The following STOX2 variants were observed in gnomAD, a reference collection of about 807,000 sequenced individuals.
The protein encoded by STOX2 is storkhead-box protein 2.
STOX2 carries 28 observed loss-of-function variants against 60.9 expected under a neutral mutation model. The ratio of observed to expected loss-of-function variants is 0.46; its 90% CI spans 0.34 to 0.63. STOX2 has a LOEUF of 0.63. Among genes scored for constraint, STOX2 ranks in the 30% least tolerant of loss-of-function variants. The pLI is 0.01. For missense variants in STOX2, 1,024 were observed against 1,187.7 expected (o/e 0.86, Z 2.03); for synonymous variants, 472 against 463.9 (o/e 1.02, Z -0.22).
chr4:184,018,266 T>C lies in STOX2; in HGVS notation c.*982T>C, dbSNP rs1193407789. On this transcript the variant is annotated 3_prime_UTR_variant, in exon 4 of 4. Coordinates refer to ENST00000308497, the MANE Select transcript of STOX2 (RefSeq NM_020225.3). ...AAATGAAGAGTAGGGCCTGAGGATG[T>C]TATTCTTTCTAATGGAAGGACATAA... 6.6e-6 allele frequency: 1 copy of C among 152,214 alleles called. No homozygotes were observed. The highest frequency in any genetic ancestry group is 6.5e-5 in the Admixed American group (1 of 15,276). 9.4% of individuals were successfully genotyped at this position (152,214 alleles called of 1,614,324 possible).
intron 1 of STOX2, among the ~76,000 whole-genome samples, chr4:183,951,847 G>T (rs373762497): frequency 6.6e-6 from 1 of 152,058 alleles, no homozygotes; most frequent in Non-Finnish European, 1.5e-5. Flanking sequence ...GGAGGCTGAG[G>T]CAGGAGAATC....
intron 1 of STOX2, among the ~76,000 whole-genome samples, chr4:183,835,325 G>C (rs1322358870): frequency 6.6e-6 from 1 of 151,142 alleles, no homozygotes; most frequent in East Asian, 1.9e-4. Context: ...CAAGGTTCAT[G>C]CCATTCTCCT....
At chr4:183,842,753 T>G (rs1245399154) in intron 1 of STOX2, among the ~76,000 whole-genome samples, 1 of 152,190 alleles carries the variant, frequency 6.6e-6, no homozygotes, top group Non-Finnish European at 1.5e-5. Flanking sequence ...AATGGTTCCT[T>G]TTCATATATG....
rs1405193521 is a variant in STOX2, at chr4:184,018,577, G to C, written c.*1293G>C. The C allele has an allele frequency of 6.6e-6, 1 of 152,200 alleles. No homozygotes were observed. Among genetic ancestry groups the C allele is most frequent in the African/African-American group, 2.4e-5 (1 of 41,458 alleles). 9.4% of individuals were successfully genotyped at this position (152,200 alleles called of 1,614,324 possible). A position where few individuals can be genotyped will look rare whatever the true frequency, so the allele number is the denominator to read the frequency against. On this transcript the variant is annotated 3_prime_UTR_variant, in exon 4 of 4. Transcript: ENST00000308497. ...TTATGCATACATGAACTATGCCAGA[G>C]TAATGTTTACAGATACTTTGTAACC...
chr4:183,812,374 A>T (rs1739054820), intron 1 of STOX2, among the ~76,000 whole-genome samples: 1 of 152,238 alleles, frequency 6.6e-6, no homozygotes, highest in African/African-American at 2.4e-5. Flanking sequence ...CTGATGATTA[A>T]TTGATAAAGT....
rs552439618 is a variant in STOX2, at chr4:183,984,304, G to A, written c.167-17021G>A. Among the ~76,000 whole-genome samples the A allele has an allele frequency of 1.5e-4, 23 of 152,198 alleles. 1 individual carries two copies. In the East Asian group the frequency reaches 2.3e-3, roughly 15 times the overall value. On this transcript the variant is annotated intron_variant, in intron 1 of 3. Transcript: ENST00000308497. ...CGTGGAAGCCATTGCTGACTGTTTC[G>A]ACCCCGGTTCTTTTCTTCAAAATTC... is the stretch of plus-strand genomic sequence containing the variant.
At chr4:183,899,946 G>C (rs1475236185) in intron 1 of STOX2, among the ~76,000 whole-genome samples, 1 of 152,094 alleles carries the variant, frequency 6.6e-6, no homozygotes. Flanking sequence ...CTCTTACTAG[G>C]GGCTAATGGA....
intron 1 of STOX2, among the ~76,000 whole-genome samples, chr4:183,918,859 G>A (rs2111098303): frequency 6.6e-6 from 1 of 152,288 alleles, no homozygotes; most frequent in East Asian, 1.9e-4. Flanking sequence ...GGAGCAGCGT[G>A]GGTTTTCCCT....
In STOX2 at chr4:184,020,502, A is replaced by G. The variant is rs1379109054; in HGVS notation, c.*3218A>G. The G allele has an allele frequency of 6.6e-6, 1 of 152,184 alleles. No individual in the cohort carries two copies. Among genetic ancestry groups the G allele is most frequent in the Non-Finnish European group, 1.5e-5 (1 of 68,034 alleles). The allele number at this position is 152,184 out of a possible 1,614,324, so 9.4% of individuals were successfully genotyped here. On this transcript the variant is annotated 3_prime_UTR_variant, in exon 4 of 4. Coordinates refer to ENST00000308497, the MANE Select transcript of STOX2 (RefSeq NM_020225.3). ...TTCAGTAACAGAAGACACACAAGCA[A>G]TGTGGACTGCCAAGCTTGAAGCACT...
At chr4:183,909,249 A>C (rs551341812) in intron 1 of STOX2, among the ~76,000 whole-genome samples, 30 of 152,332 alleles carry the variant, frequency 2.0e-4, no homozygotes, top group African/African-American at 7.2e-4. Context: ...ATACTGAAAC[A>C]CTTGGAAATG....
At chr4:184,014,832 ACC>A (rs1734301832) in intron 3 of STOX2, 1 of 152,062 alleles carries the variant, frequency 6.6e-6, no homozygotes, top group Non-Finnish European at 1.5e-5. Flanking sequence ...GTAGAGACAG[ACC>A]CCAGCTCAGA....
At chr4:183,947,672 G>A (rs933625813) in intron 1 of STOX2, among the ~76,000 whole-genome samples, 4 of 152,052 alleles carry the variant, frequency 2.6e-5, no homozygotes, top group Non-Finnish European at 4.4e-5. Context: ...TGTTCCAGAG[G>A]CTGTTTCCTC....
chr4:183,876,253 C>T (rs1028806162), intron 1 of STOX2, among the ~76,000 whole-genome samples: 1 of 152,188 alleles, frequency 6.6e-6, no homozygotes, highest in African/African-American at 2.4e-5. Context: ...TGATGCATTA[C>T]CCCTGACTTG....
chr4:183,823,265 G>A (rs1739343924), intron 1 of STOX2, among the ~76,000 whole-genome samples: 1 of 152,076 alleles, frequency 6.6e-6, no homozygotes, highest in Non-Finnish European at 1.5e-5. Context: ...GTGTGGTGGT[G>A]GATGCCTGTA....
At chr4:183,863,043 C>T (rs995407479) in intron 1 of STOX2, among the ~76,000 whole-genome samples, 4 of 152,198 alleles carry the variant, frequency 2.6e-5, no homozygotes, top group African/African-American at 4.8e-5. Flanking sequence ...AGTTCAGGAT[C>T]TTCCGACCTA....
intron 1 of STOX2, among the ~76,000 whole-genome samples, chr4:183,833,043 A>G (rs1456003704): frequency 6.6e-6 from 1 of 152,250 alleles, no homozygotes; most frequent in Non-Finnish European, 1.5e-5. Context: ...GTTACCAAAT[A>G]TGGATTATCC....
chr4:183,846,231 C>T (rs1447047094), intron 1 of STOX2, among the ~76,000 whole-genome samples: 1 of 152,178 alleles, frequency 6.6e-6, no homozygotes, highest in Non-Finnish European at 1.5e-5. Flanking sequence ...CCAGGATTCT[C>T]TTTTTGTATT....
chr4:183,950,494 T>TG (rs1177623595), intron 1 of STOX2, among the ~76,000 whole-genome samples: 1 of 152,120 alleles, frequency 6.6e-6, no homozygotes, highest in Non-Finnish European at 1.5e-5. Context: ...GGGGAGCCAG[T>TG]GTGGCTGGAG....
In STOX2 at chr4:183,836,821, G is replaced by T. The variant is rs187727737; in HGVS notation, c.364+38766G>T. ...AGTGGAACTACAAAACTTCACTTAG[G>T]GACACTAAGATTCATCTGGAATATT... On this transcript the variant is annotated intron_variant, in intron 1 of 2. Transcript: ENST00000513034. The surrounding 1 kb of genome is among the most constrained non-coding windows in gnomAD (Gnocchi z 4.1). 1.1e-4 allele frequency among the ~76,000 whole-genome samples: 17 copies of T among 152,224 alleles called. No individual in the cohort carries two copies. Among genetic ancestry groups the T allele is most frequent in the Middle Eastern group, 3.4e-3 (1 of 294 alleles).
Sources: gnomAD v4.1 joint callset for allele counts (sites outside exome capture counted in the v4.1 genomes callset) on GRCh38, gnomAD v4.1.1 for gene constraint, Gnocchi (gnomAD v3.1) non-coding constraint, MANE v1.5 for transcripts, NCBI Gene and HGNC (gene_info 2026-07-23, HGNC 2026-07-21) for gene names.